Variants in PRIMA1 observed in about 807,000 individuals in gnomAD.
PRIMA1 encodes proline rich membrane anchor 1.
PRIMA1 carries 7 observed loss-of-function variants against 17.5 expected under a neutral mutation model. That is an observed-to-expected ratio of 0.40 (90% confidence interval 0.23 to 0.75). PRIMA1 has a LOEUF of 0.75. PRIMA1 is among the 30% of genes least tolerant of loss of function. PRIMA1 has a pLI of 0.37. For missense variants in PRIMA1, 200 were observed against 201.8 expected, an observed-to-expected ratio of 0.99 and a Z score of 0.05; for synonymous variants, 97 against 77.9, an observed-to-expected ratio of 1.25 and a Z score of -1.29.
At chr14:93,738,676 A>G (rs1301451078) in intron 3 of PRIMA1, among the ~76,000 whole-genome samples, 1 of 152,178 alleles carries the variant, frequency 6.6e-6, no homozygotes, top group Admixed American at 6.5e-5. Context: ...ATCAAAGTGT[A>G]ATCTACATCT....
intron 3 of PRIMA1, among the ~76,000 whole-genome samples, chr14:93,768,222 C>T (rs1232659760): frequency 2.0e-5 from 3 of 152,150 alleles, no homozygotes; most frequent in African/African-American, 7.2e-5. Context: ...AGACACAGAA[C>T]CCCTGGAGGG....
At chr14:93,744,874 C>G (rs1322996487) in intron 3 of PRIMA1, among the ~76,000 whole-genome samples, 2 of 152,158 alleles carry the variant, frequency 1.3e-5, no homozygotes, top group Non-Finnish European at 2.9e-5. Flanking sequence ...TTTAGCCTCC[C>G]TGGGGCACAG....
At chr14:93,765,284 T>C (rs1447221401) in intron 3 of PRIMA1, among the ~76,000 whole-genome samples, 3 of 151,834 alleles carry the variant, frequency 2.0e-5, no homozygotes, top group African/African-American at 7.3e-5. Context: ...CATGCATGCA[T>C]TCATTTATGC....
intron 4 of PRIMA1, among the ~76,000 whole-genome samples, chr14:93,731,783 C>T (rs1283423408): frequency 6.6e-6 from 1 of 152,168 alleles, no homozygotes; most frequent in East Asian, 1.9e-4. Context: ...GTGCTTAGTC[C>T]CCAGCACACA....
intron 3 of PRIMA1, among the ~76,000 whole-genome samples, chr14:93,775,656 T>C (rs1193753559): frequency 1.3e-5 from 2 of 152,214 alleles, no homozygotes; most frequent in African/African-American, 4.8e-5. Flanking sequence ...GCACTACTTG[T>C]GTGCAGGGTT....
intron 4 of PRIMA1, among the ~76,000 whole-genome samples, chr14:93,725,100 G>A (rs1032383135): frequency 4.6e-5 from 7 of 151,546 alleles, no homozygotes; most frequent in African/African-American, 1.7e-4. Context: ...GAGGACCCTG[G>A]AAGGCAGGGT....
intron 4 of PRIMA1, among the ~76,000 whole-genome samples, chr14:93,733,769 G>A (rs191231810): frequency 1.3e-5 from 2 of 152,348 alleles, no homozygotes; most frequent in Admixed American, 1.3e-4. Context: ...GCATGTTTTA[G>A]ATGAATTATT....
chr14:93,747,180 CAG>C (rs1029989352), intron 3 of PRIMA1, among the ~76,000 whole-genome samples: 1 of 152,106 alleles, frequency 6.6e-6, no homozygotes, highest in African/African-American at 2.4e-5. Context: ...AGGAGGGTGA[CAG>C]GGGAGGCTTG....
chr14:93,740,808 G>C (rs1358406071), intron 3 of PRIMA1, among the ~76,000 whole-genome samples: 2 of 152,240 alleles, frequency 1.3e-5, no homozygotes, highest in African/African-American at 4.8e-5. Context: ...ACACAAGGCA[G>C]AATTGTCCCT....
At chr14:93,747,538 GT>G (rs1446010568) in intron 3 of PRIMA1, among the ~76,000 whole-genome samples, 1 of 152,148 alleles carries the variant, frequency 6.6e-6, no homozygotes, top group African/African-American at 2.4e-5. Context: ...AGGAGGTGGA[GT>G]GTGTGAGTGT....
rs920430832 is a variant in PRIMA1, at chr14:93,787,614, G to T, written c.93+12C>A. 1 of 1,540,112 alleles carries T rather than the reference G, an allele frequency of 6.5e-7. No individual in the cohort carries two copies. The stretch of plus-strand genomic sequence containing the variant: ...AGGCCCTCCCAGCCAGTGCGCAGCC[G>T]GCGCGTCTCACCTGCACGAAGCCCC... On this transcript the variant is annotated intron_variant, in intron 2 of 4. Transcript: ENST00000393140.
chr14:93,733,931 C>T (rs755094111), intron 4 of PRIMA1, among the ~76,000 whole-genome samples: 2 of 152,240 alleles, frequency 1.3e-5, no homozygotes, highest in African/African-American at 2.4e-5. Context: ...GCTCTGTAGG[C>T]GGGGTTGCAG....
intron 4 of PRIMA1, among the ~76,000 whole-genome samples, chr14:93,723,246 C>G (rs187182837): frequency 6.6e-6 from 1 of 152,128 alleles, no homozygotes; most frequent in African/African-American, 2.4e-5. Context: ...GGGTTGAGCC[C>G]GGATCTGCCC....
intron 1 of PRIMA1, 77 bp from the exon 2 acceptor site, chr14:93,787,826 G>A: frequency 6.8e-7 from 1 of 1,464,774 alleles, no homozygotes; most frequent in Non-Finnish European, 9.0e-7. Flanking sequence ...ATACCTCCCA[G>A]CCCGGGTCGG....
At chr14:93,747,549 T>C (rs1048250132) in intron 3 of PRIMA1, among the ~76,000 whole-genome samples, 1 of 151,484 alleles carries the variant, frequency 6.6e-6, no homozygotes, top group African/African-American at 2.4e-5. Context: ...TGTGTGAGTG[T>C]GTGAGAGTGT....
rs1465234459 is a variant in PRIMA1, at chr14:93,719,448, T to G, written c.*1996A>C. The G allele has an allele frequency of 6.6e-6, 1 of 152,372 alleles. No individual in the cohort carries two copies. The highest frequency in any genetic ancestry group is 1.9e-4 in the East Asian group (1 of 5,202). The allele number at this position is 152,372 out of a possible 1,614,324, so 9.4% of individuals were successfully genotyped here. Reference sequence around the variant, plus strand: ...ACCTCCCCTCTTAGAGAAGGTGCCCTCTGATCACTCCTGAGCTTCTGGACA... The same window carrying G: ...ACCTCCCCTCTTAGAGAAGGTGCCCGCTGATCACTCCTGAGCTTCTGGACA... On this transcript the variant is annotated 3_prime_UTR_variant, in exon 5 of 5. Transcript: ENST00000393140.
chr14:93,786,232 G>T (rs912335350), intron 2 of PRIMA1, among the ~76,000 whole-genome samples: 22 of 152,354 alleles, frequency 1.4e-4, no homozygotes, highest in African/African-American at 5.1e-4. Context: ...GTGTTTAGAA[G>T]TGACAAAATC....
chr14:93,748,307 GACAGTCTGGCCCCAGGGCC>G (rs976043037), intron 3 of PRIMA1, among the ~76,000 whole-genome samples: 13 of 152,128 alleles, frequency 8.5e-5, no homozygotes, highest in African/African-American at 3.1e-4. Flanking sequence ...ATTGAACCCA[GACAGTCTGGCCCCAGGGCC>G]AACCTGTGAC....
In PRIMA1 at chr14:93,747,952, AGT is replaced by A. The variant is rs200404621; in HGVS notation, c.230-10584_230-10583del. ...GTGATTATGTGAGTGTGTGTGTATGAGTGTGTGTGTATAAGTGTGTGAGTATG... is the reference window on the plus strand; with the variant it reads ...GTGATTATGTGAGTGTGTGTGTATGAGTGTGTGTATAAGTGTGTGAGTATG... On this transcript the variant is annotated intron_variant, in intron 3 of 4. Coordinates refer to ENST00000393140, the MANE Select transcript of PRIMA1 (RefSeq NM_178013.4). Among the ~76,000 whole-genome samples the A allele has an allele frequency of 3.7e-3, 493 of 133,226 alleles. 4 individuals are homozygous for A. The highest frequency in any genetic ancestry group is 0.014 in the African/African-American group (473 of 34,284). The allele number at this position is 133,226 out of a possible 152,430, so 87.4% of individuals were successfully genotyped here. A position where few individuals can be genotyped will look rare whatever the true frequency, so the allele number is the denominator to read the frequency against.
Sources: gnomAD v4.1 joint callset for allele counts (sites outside exome capture counted in the v4.1 genomes callset) on GRCh38, gnomAD v4.1.1 for gene constraint, MANE v1.5 for transcripts, NCBI Gene and HGNC (gene_info 2026-07-23, HGNC 2026-07-21) for gene names.